The following NRG3 variants were observed in gnomAD, a reference collection of about 807,000 sequenced individuals.
NRG3 encodes the protein pro-neuregulin-3, membrane-bound isoform.
A neutral mutation model predicts 66.9 loss-of-function variants in NRG3; 31 were observed. The observed-to-expected ratio is 0.46, with a 90% CI of 0.35 to 0.63. The LOEUF (loss-of-function observed/expected upper bound fraction) is 0.63. Ranked by LOEUF, NRG3 falls within the 20% of genes least tolerant of loss-of-function variation. The pLI, the probability that NRG3 is intolerant of heterozygous loss-of-function variation, is 0.00. For synonymous variants in NRG3, 393 were observed against 359.4 expected, an observed-to-expected ratio of 1.09 and a Z score of -1.06; for missense variants, 910 against 878.9, an observed-to-expected ratio of 1.04 and a Z score of -0.45.
intron 7 of NRG3, among the ~76,000 whole-genome samples, chr10:82,977,665 C>A (rs1192934244): frequency 1.3e-5 from 2 of 150,176 alleles, no homozygotes; most frequent in African/African-American, 2.4e-5. Flanking sequence ...CAGATATGAT[C>A]TCCTGCTTGC....
rs1229740095 is a variant in NRG3, at chr10:82,128,122, C to A, written c.824-230617C>A. Among the ~76,000 whole-genome samples the A allele has an allele frequency of 2.6e-5, 4 of 151,838 alleles. 1 individual carries two copies. Among genetic ancestry groups the A allele is most frequent in the South Asian group, 2.1e-4 (1 of 4,826 alleles). On this transcript the variant is annotated intron_variant, in intron 1 of 8. Transcript: ENST00000372141. Reference sequence around the variant, plus strand: ...GTCTAGTCATTGGCCTTCCTTCTACCCGTCGTGATTCCAATGGAAGATAAA... The same window carrying A: ...GTCTAGTCATTGGCCTTCCTTCTACACGTCGTGATTCCAATGGAAGATAAA...
intron 4 of NRG3, among the ~76,000 whole-genome samples, chr10:82,917,463 T>G (rs1269606522): frequency 6.6e-6 from 1 of 152,212 alleles, no homozygotes; most frequent in Non-Finnish European, 1.5e-5. Context: ...GTGCAGAGCC[T>G]GGTGTGCATT....
chr10:82,023,144 T>C (rs2062137480), intron 1 of NRG3, among the ~76,000 whole-genome samples: 1 of 151,940 alleles, frequency 6.6e-6, no homozygotes, highest in Non-Finnish European at 1.5e-5. Context: ...ATTGCTCTCT[T>C]GATTTCTTTT....
In NRG3 at chr10:82,256,073, G is replaced by A. The variant is rs1187770414; in HGVS notation, c.824-102666G>A. ...CAAGTAGCTGGGACTATAGGCACACGCCACTGTGCCTGGCTAATTTTTGTA... is the reference window on the plus strand; with the variant it reads ...CAAGTAGCTGGGACTATAGGCACACACCACTGTGCCTGGCTAATTTTTGTA... On this transcript the variant is annotated intron_variant, in intron 1 of 8. Transcript: ENST00000372141. Among the ~76,000 whole-genome samples, 4 of 151,942 alleles carry A rather than the reference G, an allele frequency of 2.6e-5. No homozygotes were observed. In the East Asian group the frequency reaches 5.9e-4, roughly 22 times the overall value.
At chr10:82,217,852 C>T (rs2075763997) in intron 1 of NRG3, among the ~76,000 whole-genome samples, 1 of 152,056 alleles carries the variant, frequency 6.6e-6, no homozygotes, top group South Asian at 2.1e-4. Flanking sequence ...AATTTCATTC[C>T]ATAATATTTG....
intron 2 of NRG3, among the ~76,000 whole-genome samples, chr10:82,435,551 T>A (rs2090082936): frequency 6.6e-6 from 1 of 152,152 alleles, no homozygotes; most frequent in Non-Finnish European, 1.5e-5. Context: ...GTTGTCGATA[T>A]GAGATCTTCC....
intron 1 of NRG3, among the ~76,000 whole-genome samples, chr10:82,152,127 A>T (rs181603481): frequency 6.6e-6 from 1 of 152,160 alleles, no homozygotes; most frequent in Non-Finnish European, 1.5e-5. Flanking sequence ...TAACTCTGCC[A>T]TTGTACCGTG....
intron 1 of NRG3, among the ~76,000 whole-genome samples, chr10:82,003,186 G>C (rs2061241087): frequency 2.0e-5 from 3 of 152,184 alleles, no homozygotes; most frequent in Non-Finnish European, 2.9e-5. Context: ...AGGTGGCCTT[G>C]TGTTTAGTTA....
chr10:82,259,153 T>C (rs1278334910), intron 1 of NRG3, among the ~76,000 whole-genome samples: 1 of 152,108 alleles, frequency 6.6e-6, no homozygotes, highest in Admixed American at 6.6e-5. Context: ...TTCAGACAAA[T>C]AAAACATCTG....
At chr10:82,846,916 G>T (rs553987738) in intron 3 of NRG3, among the ~76,000 whole-genome samples, 3 of 152,308 alleles carry the variant, frequency 2.0e-5, no homozygotes, top group African/African-American at 7.2e-5. Flanking sequence ...ATGTTCAGCT[G>T]CAAGAGCCAG....
chr10:81,897,178 G>A (rs1792961797), intron 1 of NRG3, among the ~76,000 whole-genome samples: 2 of 152,158 alleles, frequency 1.3e-5, no homozygotes, highest in Non-Finnish European at 2.9e-5. Context: ...GCGTGCCTGA[G>A]CATAATAAAC....
intron 2 of NRG3, among the ~76,000 whole-genome samples, chr10:82,534,973 G>A (rs1170476341): frequency 2.6e-5 from 4 of 151,568 alleles, no homozygotes; most frequent in Non-Finnish European, 5.9e-5. Flanking sequence ...GACCAGCCTA[G>A]CCAACATGCT....
At chr10:82,932,911 T>G (rs762821677) in intron 4 of NRG3, among the ~76,000 whole-genome samples, 6 of 152,144 alleles carry the variant, frequency 3.9e-5, no homozygotes, top group Non-Finnish European at 7.4e-5. Flanking sequence ...TATCCAGTCT[T>G]ATCTTCTCCC....
chr10:82,495,637 G>A (rs781751064), intron 2 of NRG3, among the ~76,000 whole-genome samples: 5 of 152,006 alleles, frequency 3.3e-5, no homozygotes, highest in East Asian at 1.9e-4. Context: ...AACTTAAAGG[G>A]TCTTCTTTAC....
At chr10:81,927,507 T>C (rs190367597) in intron 1 of NRG3, among the ~76,000 whole-genome samples, 2 of 152,280 alleles carry the variant, frequency 1.3e-5, no homozygotes, top group Non-Finnish European at 2.9e-5. Flanking sequence ...TAATGAGAAA[T>C]AGAACAAATT....
chr10:82,984,466 C>A (rs544014848), intron 8 of NRG3, among the ~76,000 whole-genome samples: 3 of 152,166 alleles, frequency 2.0e-5, no homozygotes, highest in Admixed American at 6.5e-5. Flanking sequence ...GAATTGTTAG[C>A]CTCCCATTCC....
intron 2 of NRG3, among the ~76,000 whole-genome samples, chr10:82,734,037 C>A (rs2058043479): frequency 6.6e-6 from 1 of 152,176 alleles, no homozygotes; most frequent in Non-Finnish European, 1.5e-5. Flanking sequence ...TCCTTAGGGT[C>A]CTCCACATCC....
chr10:81,963,776 C>T lies in NRG3; in HGVS notation c.823+87613C>T, dbSNP rs1288090489. 2.0e-5 allele frequency among the ~76,000 whole-genome samples: 3 copies of T among 152,106 alleles called. No individual in the cohort carries two copies. In the East Asian group the frequency reaches 5.8e-4, roughly 29 times the overall value. ...CTCAGGGCATGTAACCTTACAGCTC[C>T]GTGGTGGAGTTACATGCTTTGTTGC... is the stretch of plus-strand genomic sequence containing the variant. On this transcript the variant is annotated intron_variant, in intron 1 of 8. Transcript: ENST00000372141.
At chr10:82,736,304 A>G (rs2058150361) in intron 2 of NRG3, among the ~76,000 whole-genome samples, 1 of 152,336 alleles carries the variant, frequency 6.6e-6, no homozygotes, top group Admixed American at 6.5e-5. Flanking sequence ...TGTAAATTCA[A>G]TCCACTTCAC....
Sources: gnomAD v4.1 joint callset for allele counts (sites outside exome capture counted in the v4.1 genomes callset) on GRCh38, gnomAD v4.1.1 for gene constraint, MANE v1.5 for transcripts, NCBI Gene and HGNC (gene_info 2026-07-23, HGNC 2026-07-21) for gene names.